Variants in DENND4C observed in about 807,000 individuals in gnomAD.
DENND4C encodes DENN domain-containing protein 4C.
DENND4C carries 108 observed loss-of-function variants against 203.0 expected under a neutral mutation model. The ratio of observed to expected loss-of-function variants is 0.53; its 90% CI spans 0.46 to 0.62. The LOEUF is 0.62. DENND4C is among the 20% of genes least tolerant of loss of function. The probability of loss-of-function intolerance (pLI) is 0.00; values close to 1 mark genes in which losing one functional copy is unlikely to be tolerated. For synonymous variants in DENND4C, 871 were observed against 792.4 expected (o/e 1.10, Z -1.67); for missense variants, 2,481 against 2,301.2 (o/e 1.08, Z -1.60).
rs1219702800 is a variant in DENND4C at position 19,336,335 on chromosome 9, G to A, written c.2655G>A (p.Arg885=). 1.3e-5 allele frequency: 21 copies of A among 1,613,974 alleles called. No individual in the cohort carries two copies. Among genetic ancestry groups the A allele is most frequent in the Non-Finnish European group, 1.8e-5 (21 of 1,179,998 alleles). ...RSGIFLWTKV[R]NVVRGLAQFR... ...GTATTTTCTTATGGACGAAGGTACGGAATGTGGTACGTGGCTTGGCACAGT... is the reference window on the plus strand; with the variant it reads ...GTATTTTCTTATGGACGAAGGTACGAAATGTGGTACGTGGCTTGGCACAGT... The change falls in exon 19 of 33, where the codon CGG becomes CGA. Residue 885 remains arginine (R), a synonymous_variant. Coordinates refer to ENST00000434457, the MANE Select transcript of DENND4C (RefSeq NM_001330640.2).
chr9:19,279,306 C>T (rs371353036), intron 2 of DENND4C, among the ~76,000 whole-genome samples: 2 of 81,514 alleles, frequency 2.5e-5, no homozygotes, highest in African/African-American at 4.9e-5. Context: ...TCCAGCCTCC[C>T]TAATCCCAAC....
At chr9:19,317,658 C>A (rs748298605) in intron 12 of DENND4C, among the ~76,000 whole-genome samples, 6 of 152,042 alleles carry the variant, frequency 3.9e-5, no homozygotes, top group Non-Finnish European at 7.4e-5. Flanking sequence ...TATTTAGTTA[C>A]TACTTACTGG....
chr9:19,319,379 TACATATATATATACATATATATATACAC>T (rs71335418), intron 12 of DENND4C, among the ~76,000 whole-genome samples: 67 of 105,832 alleles, frequency 6.3e-4, no homozygotes, highest in Middle Eastern at 6.8e-3. Flanking sequence ...TATATACACA[TACATATATATATACATATATATATACAC>T]ACATATATAT....
intron 1 of DENND4C, among the ~76,000 whole-genome samples, chr9:19,269,555 T>TGGA (rs1246597491): frequency 2.0e-5 from 3 of 152,240 alleles, no homozygotes; most frequent in Admixed American, 6.5e-5. Context: ...TCATTCTTGT[T>TGGA]TATCAGTTGA....
intron 10 of DENND4C, among the ~76,000 whole-genome samples, chr9:19,308,406 T>G (rs1055464181): frequency 6.6e-6 from 1 of 152,244 alleles, no homozygotes; most frequent in Non-Finnish European, 1.5e-5. Flanking sequence ...TAATTCACAT[T>G]TCCTTTATTA....
intron 9 of DENND4C, among the ~76,000 whole-genome samples, chr9:19,301,809 C>T (rs1416538804): frequency 3.9e-5 from 6 of 152,136 alleles, no homozygotes; most frequent in Admixed American, 6.5e-5. Context: ...TGGTGGTGCA[C>T]GCCTGTAGTC....
chr9:19,342,771 G>A lies in DENND4C; in HGVS notation c.3143G>A (p.Ser1048Asn), dbSNP rs1007460591. The A allele has an allele frequency of 6.2e-7, 1 of 1,603,268 alleles. No homozygotes were observed. Among genetic ancestry groups the A allele is most frequent in the Non-Finnish European group, 8.5e-7 (1 of 1,175,786 alleles). The change falls in exon 22 of 33, where the codon AGT becomes AAT. Residue 1048 changes from serine to asparagine, a missense_variant. Physicochemically the swap from Ser to Asn is conservative, Grantham distance 46. Around this residue, in one of 3 missense-constraint regions of DENND4C, gnomAD observed 2,289 missense variants for 2,113.3 expected, o/e 1.08. Transcript: ENST00000434457. Reference protein sequence around the residue: ...SGIFDVNSRKSSTGSISNVLF... With the variant: ...SGIFDVNSRKNSTGSISNVLF... ...ATATTTGATGTCAACAGCAGGAAAA[G>A]TAGCACTGGTGAGTCTTTACATTTT...
At chr9:19,354,632 A>T (rs1824964305) in intron 26 of DENND4C, among the ~76,000 whole-genome samples, 1 of 147,442 alleles carries the variant, frequency 6.8e-6, no homozygotes, top group Non-Finnish European at 1.5e-5. Flanking sequence ...TTGGCCTACA[A>T]CGTCTGCCTC....
Position 19,360,419 on chromosome 9 carries a change from G to T in DENND4C, c.5336G>T (p.Arg1779Ile). ...TTCTGGAACCTCGTTTGGTATTTCA[G>T]ACGTTTGGACCTTCCTAGTAACTTG... ...IIFWNLVWYFRRLDLPSNLPG... is the reference protein window; with the variant it reads ...IIFWNLVWYFIRLDLPSNLPG... The change falls in exon 29 of 33, where the codon AGA becomes ATA. Residue 1779 changes from arginine (R) to isoleucine (I), a missense_variant. Around this residue, in one of 3 missense-constraint regions of DENND4C, gnomAD observed 2,289 missense variants for 2,113.3 expected, o/e 1.08. Transcript: ENST00000434457. The T allele has an allele frequency of 6.2e-7, 1 of 1,614,070 alleles. No individual in the cohort carries two copies. The highest frequency in any genetic ancestry group is 8.5e-7 in the Non-Finnish European group (1 of 1,179,998).
chr9:19,333,474 A>G (rs1217543619), intron 17 of DENND4C, among the ~76,000 whole-genome samples: 1 of 152,108 alleles, frequency 6.6e-6, no homozygotes, highest in Admixed American at 6.6e-5. Context: ...GCCTCTACCA[A>G]CTGTATGCCT....
At chr9:19,348,802 A>AG (rs902797797) in intron 23 of DENND4C, among the ~76,000 whole-genome samples, 9 of 151,918 alleles carry the variant, frequency 5.9e-5, no homozygotes, top group Non-Finnish European at 1.2e-4. Context: ...GAAAAAAAAA[A>AG]GTGTATCATT....
chr9:19,242,616 C>G (rs1479221040), intron 1 of DENND4C, among the ~76,000 whole-genome samples: 1 of 150,528 alleles, frequency 6.6e-6, no homozygotes, highest in African/African-American at 2.4e-5. Flanking sequence ...TGTAGCTATT[C>G]TAATAGGTGT....
Position 19,286,902 on chromosome 9 carries a change from C to A in DENND4C, c.439C>A (p.Pro147Thr). 8.1e-7 allele frequency: 1 copy of A among 1,232,100 alleles called. No individual in the cohort carries two copies. The highest frequency in any genetic ancestry group is 1.0e-6 in the Non-Finnish European group (1 of 987,964). The allele number at this position is 1,232,100 out of a possible 1,614,324, so 76.3% of individuals were successfully genotyped here. The change falls in exon 3 of 33, where the codon CCT becomes ACT. Residue 147 changes from proline (P) to threonine (T), a missense_variant. Pro to Thr is a conservative substitution (Grantham distance 38). Coordinates refer to ENST00000434457, the MANE Select transcript of DENND4C (RefSeq NM_001330640.2). ...QRIFITYRRA[P>T]PVRPQNSLAV... Reference sequence around the variant, plus strand: ...AATCTTTATCACTTATCGAAGGGCTCCTCCAGTTCGACCCCAGAATTCCTT... The same window carrying A: ...AATCTTTATCACTTATCGAAGGGCTACTCCAGTTCGACCCCAGAATTCCTT...
rs530695173 is a variant in DENND4C at position 19,315,423 on chromosome 9, C to T, written c.1488-994C>T. Among the ~76,000 whole-genome samples, 6 of 151,406 alleles carry T rather than the reference C, an allele frequency of 4.0e-5. No homozygotes were observed. In the East Asian group the frequency reaches 1.2e-3, roughly 29 times the overall value. ...TTAAAGAAAGTTTGTTATATTTATG[C>T]TAACTTTTGTAAGAAGAGGGCTTTT... On this transcript the variant is annotated intron_variant, in intron 10 of 32. Transcript: ENST00000434457.
At position 19,346,992 on chromosome 9, in the gene DENND4C, T is replaced by G. The variant is rs750667926; in HGVS notation, c.4223T>G (p.Ile1408Arg). 6.2e-7 allele frequency: 1 copy of G among 1,614,200 alleles called. No individual in the cohort carries two copies. Among genetic ancestry groups the G allele is most frequent in the Non-Finnish European group, 8.5e-7 (1 of 1,180,028 alleles). ...KLDNILSGPK[I>R]DVLKSGMKQA... ...GATAATATACTCTCAGGGCCCAAGA[T>G]AGATGTCCTGAAATCTGGTATGAAA... Residue 1408 changes from isoleucine to arginine, a missense_variant, in exon 23 of 33, where the codon ATA becomes AGA. This residue lies in a region of DENND4C where 2,289 missense variants were observed against 2,113.3 expected (regional missense o/e 1.08). Coordinates refer to ENST00000434457, the MANE Select transcript of DENND4C (RefSeq NM_001330640.2).
intron 1 of DENND4C, among the ~76,000 whole-genome samples, chr9:19,265,132 A>G (rs1390984552): frequency 2.0e-5 from 3 of 152,050 alleles, no homozygotes; most frequent in African/African-American, 7.2e-5. Flanking sequence ...CTCCCACCTC[A>G]GCCTCCTAAA....
chr9:19,343,625 G>A (rs1320520793), intron 22 of DENND4C, among the ~76,000 whole-genome samples: 1 of 152,248 alleles, frequency 6.6e-6, no homozygotes, highest in Non-Finnish European at 1.5e-5. Context: ...TGCTCAAGAG[G>A]TGGGGCTAAA....
chr9:19,290,107 G>A (rs899132923), intron 4 of DENND4C, among the ~76,000 whole-genome samples: 1 of 152,150 alleles, frequency 6.6e-6, no homozygotes, highest in Non-Finnish European at 1.5e-5. Flanking sequence ...AGAGGCTAAT[G>A]AACAGATGCC....
chr9:19,334,945 A>C (rs1563814547), intron 17 of DENND4C, 32 bp from the exon 18 acceptor site: 4 of 1,568,700 alleles, frequency 2.5e-6, no homozygotes, highest in Non-Finnish European at 3.4e-6. Context: ...TTAGTATACT[A>C]ATTACTGACA....
Sources: gnomAD v4.1 joint callset for allele counts (sites outside exome capture counted in the v4.1 genomes callset) on GRCh38, gnomAD v4.1.1 for gene constraint, gnomAD v4.1.1 regional missense constraint, MANE v1.5 for transcripts, NCBI Gene and HGNC (gene_info 2026-07-23, HGNC 2026-07-21) for gene names.